Variants in RBFOX1 observed in about 807,000 individuals in gnomAD.
RBFOX1 encodes the protein RNA binding protein fox-1 homolog 1.
RBFOX1 carries 8 observed loss-of-function variants against 57.7 expected under a neutral mutation model. That is an observed-to-expected ratio of 0.14 (90% CI 0.08 to 0.25). The LOEUF (loss-of-function observed/expected upper bound fraction) is 0.25, where lower values mean the gene tolerates loss of function less well. Among genes scored for constraint, RBFOX1 ranks in the 10% least tolerant of loss-of-function variants. The pLI is 1.00. For synonymous variants in RBFOX1, 326 were observed against 222.4 expected (o/e 1.47, Z -4.15); for missense variants, 611 against 548.5 (o/e 1.11, Z -1.14).
chr16:5,727,614 G>A (rs1567455485), intron 3 of RBFOX1, among the ~76,000 whole-genome samples: 1 of 152,096 alleles, frequency 6.6e-6, no homozygotes, highest in Non-Finnish European at 1.5e-5. Context: ...TGTATACTTA[G>A]ACCAATATCT....
At chr16:5,626,663 G>T (rs935571323) in intron 3 of RBFOX1, among the ~76,000 whole-genome samples, 9 of 152,038 alleles carry the variant, frequency 5.9e-5, no homozygotes, top group Admixed American at 5.2e-4. Flanking sequence ...CACGAGCTCC[G>T]ATATTCATCA....
At chr16:6,525,419 A>G (rs1046765897) in intron 2 of RBFOX1, among the ~76,000 whole-genome samples, 2 of 152,228 alleles carry the variant, frequency 1.3e-5, no homozygotes, top group East Asian at 3.9e-4. Flanking sequence ...CCCTGGAGAC[A>G]TTGAGAAGTG....
chr16:7,355,466 A>C (rs2097198529), intron 4 of RBFOX1, among the ~76,000 whole-genome samples: 1 of 152,152 alleles, frequency 6.6e-6, no homozygotes, highest in South Asian at 2.1e-4. Context: ...TGTGAGTCCG[A>C]AACCCTCCCA....
intron 3 of RBFOX1, among the ~76,000 whole-genome samples, chr16:6,755,251 C>T (rs868078692): frequency 6.6e-6 from 1 of 152,146 alleles, no homozygotes; most frequent in Non-Finnish European, 1.5e-5. Flanking sequence ...AATGGTATTT[C>T]TAGTTAGATC....
chr16:6,972,107 C>G (rs1438347415), intron 3 of RBFOX1, among the ~76,000 whole-genome samples: 1 of 152,120 alleles, frequency 6.6e-6, no homozygotes, highest in Admixed American at 6.5e-5. Context: ...TGCTAAAAAG[C>G]ACACAACATC....
In RBFOX1 at chr16:6,238,111, AG is replaced by A. The variant is rs375818055; in HGVS notation, c.-126-78883del. 1.5e-3 allele frequency among the ~76,000 whole-genome samples: 225 copies of A among 145,242 alleles called. 6 individuals carry two copies. Among genetic ancestry groups the A allele is most frequent in the East Asian group, 0.013 (64 of 4,822 alleles). On this transcript the variant is annotated intron_variant, in intron 1 of 15. Transcript: ENST00000550418. Reference sequence around the variant, plus strand: ...GTCTCAAAAAAAAAAAAAAAAAAAAAGAAAGAAAAGCCTGCCTTATAGGGTT... The same window carrying A: ...GTCTCAAAAAAAAAAAAAAAAAAAAAAAAGAAAAGCCTGCCTTATAGGGTT...
At chr16:6,804,279 A>G (rs1051291494) in intron 3 of RBFOX1, among the ~76,000 whole-genome samples, 1 of 152,116 alleles carries the variant, frequency 6.6e-6, no homozygotes, top group African/African-American at 2.4e-5. Flanking sequence ...AAGTCCTGGG[A>G]TTACAGGCAT....
chr16:5,649,945 G>A (rs928728557), intron 3 of RBFOX1, among the ~76,000 whole-genome samples: 5 of 152,154 alleles, frequency 3.3e-5, no homozygotes, highest in East Asian at 1.9e-4. Flanking sequence ...CGCAAGAATC[G>A]CCTCCCGGTG....
At chr16:6,092,827 A>T (rs1171296552) in intron 1 of RBFOX1, 1 of 152,152 alleles carries the variant, frequency 6.6e-6, no homozygotes, top group African/African-American at 2.4e-5. Context: ...GGGTAACTTG[A>T]TGGTTAGAAT....
intron 2 of RBFOX1, among the ~76,000 whole-genome samples, chr16:6,558,680 G>A (rs999799587): frequency 3.3e-5 from 5 of 151,920 alleles, no homozygotes; most frequent in African/African-American, 9.7e-5. Context: ...AAAACAAAAC[G>A]CCCAAACAGG....
At chr16:5,674,721 G>T (rs1447634424) in intron 3 of RBFOX1, among the ~76,000 whole-genome samples, 1 of 152,198 alleles carries the variant, frequency 6.6e-6, no homozygotes, top group Admixed American at 6.5e-5. Context: ...TTTGATTCAA[G>T]TTCTATTTGG....
At chr16:5,614,838 C>T (rs1044433271) in intron 3 of RBFOX1, among the ~76,000 whole-genome samples, 2 of 152,088 alleles carry the variant, frequency 1.3e-5, no homozygotes, top group Admixed American at 6.5e-5. Context: ...ATATGCTTAT[C>T]GTTTAGAGAA....
intron 4 of RBFOX1, among the ~76,000 whole-genome samples, chr16:7,448,872 C>T (rs1342917638): frequency 6.6e-6 from 1 of 150,416 alleles, no homozygotes; most frequent in South Asian, 2.1e-4. Flanking sequence ...CTAAATACAT[C>T]TGCAACAAAT....
chr16:7,218,018 G>C (rs1390307305), intron 4 of RBFOX1, among the ~76,000 whole-genome samples: 2 of 151,292 alleles, frequency 1.3e-5, no homozygotes, highest in Non-Finnish European at 2.9e-5. Flanking sequence ...GTTTGTACGT[G>C]TGTGGGGTGT....
chr16:6,686,500 C>T (rs751671048), intron 3 of RBFOX1, among the ~76,000 whole-genome samples: 10 of 152,170 alleles, frequency 6.6e-5, no homozygotes, highest in Non-Finnish European at 1.5e-4. Flanking sequence ...CGTTTAAGTT[C>T]TGTGAAATTG....
chr16:7,255,307 G>A (rs529930795), intron 4 of RBFOX1, among the ~76,000 whole-genome samples: 2 of 152,286 alleles, frequency 1.3e-5, no homozygotes, highest in East Asian at 3.9e-4. Flanking sequence ...CACTGCTGTG[G>A]AAACTTTGAG....
At chr16:5,442,669 A>G (rs1379896393) in intron 1 of RBFOX1, among the ~76,000 whole-genome samples, 1 of 152,098 alleles carries the variant, frequency 6.6e-6, no homozygotes, top group Non-Finnish European at 1.5e-5. Context: ...CTATTTCTAG[A>G]TCCCTTTACT....
At chr16:6,436,611 C>G (rs576138719) in intron 2 of RBFOX1, among the ~76,000 whole-genome samples, 1 of 150,786 alleles carries the variant, frequency 6.6e-6, no homozygotes, top group Non-Finnish European at 1.5e-5. Flanking sequence ...CACCCCAAGC[C>G]CAGTTTCTTC....
At chr16:5,492,661 C>G (rs1397350427) in intron 2 of RBFOX1, among the ~76,000 whole-genome samples, 1 of 152,198 alleles carries the variant, frequency 6.6e-6, no homozygotes, top group Non-Finnish European at 1.5e-5. Flanking sequence ...GAAATGACAT[C>G]TACCACAGTG....
Sources: allele counts gnomAD v4.1 joint callset (sites outside exome capture counted in the v4.1 genomes callset), GRCh38; gene constraint gnomAD v4.1.1; transcripts MANE v1.5; gene names NCBI Gene and HGNC (gene_info 2026-07-23, HGNC 2026-07-21).